The following SNTG1 variants were observed in gnomAD, a reference collection of about 807,000 sequenced individuals.
SNTG1 encodes the protein gamma-1-syntrophin.
SNTG1 carries 39 observed loss-of-function variants against 74.7 expected under a neutral mutation model. The observed-to-expected ratio is 0.52, with a 90% confidence interval of 0.40 to 0.68. SNTG1 has a LOEUF of 0.68. Among genes scored for constraint, SNTG1 ranks in the 30% least tolerant of loss-of-function variants. SNTG1 has a pLI of 0.00. For missense variants in SNTG1, 685 were observed against 609.5 expected (o/e 1.12, Z -1.30); for synonymous variants, 254 against 217.1 (o/e 1.17, Z -1.49).
intron 2 of SNTG1, among the ~76,000 whole-genome samples, chr8:50,387,051 T>A (rs2092586205): frequency 6.6e-6 from 1 of 152,118 alleles, no homozygotes; most frequent in Non-Finnish European, 1.5e-5. Context: ...TTTAGTAGGC[T>A]TCCTGTCTAT....
intron 13 of SNTG1, among the ~76,000 whole-genome samples, chr8:50,644,814 T>A (rs776275252): frequency 3.8e-4 from 58 of 152,164 alleles, no homozygotes; most frequent in Admixed American, 1.0e-3. Context: ...GTGACAGTGC[T>A]AACAAACCAG....
intron 1 of SNTG1, among the ~76,000 whole-genome samples, chr8:50,085,544 C>T (rs1240634891): frequency 6.6e-6 from 1 of 152,140 alleles, no homozygotes; most frequent in African/African-American, 2.4e-5. Context: ...ATCATCAAGC[C>T]CTCAGGTTCT....
At chr8:50,730,923 G>T (rs185741643) in intron 17 of SNTG1, among the ~76,000 whole-genome samples, 1 of 152,150 alleles carries the variant, frequency 6.6e-6, no homozygotes, top group East Asian at 1.9e-4. Context: ...TCTACAAAGC[G>T]ATTTTATGAG....
intron 2 of SNTG1, among the ~76,000 whole-genome samples, chr8:50,341,025 A>T (rs1165912848): frequency 6.6e-6 from 1 of 151,928 alleles, no homozygotes; most frequent in Non-Finnish European, 1.5e-5. Flanking sequence ...TACAAATGAA[A>T]ACAAAGAGGT....
chr8:50,306,768 G>T (rs575706377), intron 2 of SNTG1, among the ~76,000 whole-genome samples: 1 of 151,724 alleles, frequency 6.6e-6, no homozygotes, highest in African/African-American at 2.4e-5. Context: ...TGAGTTCCAT[G>T]TAGATTTCAG....
At chr8:50,281,305 C>A (rs531615158) in intron 2 of SNTG1, among the ~76,000 whole-genome samples, 22 of 152,194 alleles carry the variant, frequency 1.4e-4, no homozygotes, top group African/African-American at 5.1e-4. Flanking sequence ...CCTGTCTAAC[C>A]CTCACTTCCC....
chr8:50,682,194 A>G (rs1265386578), intron 15 of SNTG1, among the ~76,000 whole-genome samples: 7 of 152,172 alleles, frequency 4.6e-5, no homozygotes, highest in African/African-American at 1.7e-4. Flanking sequence ...AGGGAGGGTA[A>G]GGGGTTCTTA....
At chr8:50,583,269 G>C (rs1287273649) in intron 12 of SNTG1, among the ~76,000 whole-genome samples, 1 of 151,912 alleles carries the variant, frequency 6.6e-6, no homozygotes, top group Non-Finnish European at 1.5e-5. Flanking sequence ...AGGGCATGGT[G>C]GCGGCGCCTA....
At chr8:50,609,548 T>C (rs1300529988) in intron 13 of SNTG1, among the ~76,000 whole-genome samples, 2 of 152,128 alleles carry the variant, frequency 1.3e-5, no homozygotes, top group African/African-American at 4.8e-5. Flanking sequence ...CTTGAATTTC[T>C]TGAATCTCCA....
rs142086310 is a variant in SNTG1, at chr8:50,247,020, G to A, written c.-28+74385G>A. Among the ~76,000 whole-genome samples the A allele has an allele frequency of 2.0e-3, 306 of 152,306 alleles. 2 individuals are homozygous for A. Among genetic ancestry groups the A allele is most frequent in the African/African-American group, 6.9e-3 (287 of 41,568 alleles). ...TAGCTGATCTGGACACAAAGGGCTT[G>A]TCACCCACTGAATGGAAAGTTTGCT... On this transcript the variant is annotated intron_variant, in intron 2 of 18. Transcript: ENST00000642720.
At chr8:50,576,105 A>T (rs1001960150) in intron 12 of SNTG1, among the ~76,000 whole-genome samples, 1 of 152,166 alleles carries the variant, frequency 6.6e-6, no homozygotes, top group Non-Finnish European at 1.5e-5. Flanking sequence ...TGCATCCCAA[A>T]AATGTTTTAC....
At chr8:50,220,618 G>A (rs2085015876) in intron 2 of SNTG1, among the ~76,000 whole-genome samples, 2 of 152,314 alleles carry the variant, frequency 1.3e-5, no homozygotes, top group Non-Finnish European at 2.9e-5. Flanking sequence ...CAAACTGGCA[G>A]TTGGGAGGAG....
At chr8:50,250,133 A>G (rs1455029185) in intron 2 of SNTG1, among the ~76,000 whole-genome samples, 1 of 152,038 alleles carries the variant, frequency 6.6e-6, no homozygotes, top group Non-Finnish European at 1.5e-5. Context: ...ATACTATAAA[A>G]AACAGAATTG....
At chr8:49,971,274 T>G (rs1197767003) in intron 1 of SNTG1, among the ~76,000 whole-genome samples, 1 of 152,188 alleles carries the variant, frequency 6.6e-6, no homozygotes, top group South Asian at 2.1e-4. Flanking sequence ...ACCACATGAT[T>G]ATCTCAGTAG....
chr8:50,500,593 A>G (rs930263012), intron 8 of SNTG1, among the ~76,000 whole-genome samples: 2 of 152,102 alleles, frequency 1.3e-5, no homozygotes, highest in Non-Finnish European at 2.9e-5. Context: ...TCAATATGAC[A>G]TATACTTTTT....
chr8:50,709,246 C>G, intron 17 of SNTG1: 1 of 402,080 alleles, frequency 2.5e-6, no homozygotes, highest in Non-Finnish European at 4.4e-6. Flanking sequence ...TCAATCATTT[C>G]CCTGTTTTTT....
chr8:50,231,365 G>A (rs1175973982), intron 2 of SNTG1, among the ~76,000 whole-genome samples: 1 of 151,364 alleles, frequency 6.6e-6, no homozygotes, highest in Non-Finnish European at 1.5e-5. Context: ...ATATGATCCA[G>A]CAATCCCACT....
intron 15 of SNTG1, among the ~76,000 whole-genome samples, chr8:50,670,747 C>A: frequency 6.8e-6 from 1 of 146,192 alleles, no homozygotes; most frequent in Non-Finnish European, 1.5e-5. Context: ...CAATCCTAAG[C>A]CAAAAGAACA....
chr8:49,986,311 A>C (rs891161212), intron 1 of SNTG1, among the ~76,000 whole-genome samples: 1 of 152,158 alleles, frequency 6.6e-6, no homozygotes, highest in African/African-American at 2.4e-5. Flanking sequence ...CAGATAATGA[A>C]GAGTGTTCTA....
Sources: allele counts gnomAD v4.1 joint callset (sites outside exome capture counted in the v4.1 genomes callset), GRCh38; gene constraint gnomAD v4.1.1; transcripts MANE v1.5; gene names NCBI Gene and HGNC (gene_info 2026-07-23, HGNC 2026-07-21).